The following KLHL11 variants were observed in gnomAD, a reference collection of about 807,000 sequenced individuals.
KLHL11 encodes kelch like family member 11, also known as kelch-like protein 11.
Under a neutral mutation model 56.1 loss-of-function variants are expected in KLHL11, and 26 were observed. The observed-to-expected ratio is 0.46, with a 90% CI of 0.34 to 0.64. The LOEUF (loss-of-function observed/expected upper bound fraction) is 0.64, where lower values mean the gene tolerates loss of function less well. Among genes scored for constraint, KLHL11 ranks in the 30% least tolerant of loss-of-function variants. The pLI is 0.01. For synonymous variants in KLHL11, 338 were observed against 345.8 expected (o/e 0.98, Z 0.25); for missense variants, 627 against 919.4 (o/e 0.68, Z 4.11).
At position 41,851,447 on chromosome 17, in the gene KLHL11, C is replaced by T. The variant is rs1474152929; in HGVS notation, c.*2293G>A. The T allele has an allele frequency of 2.0e-4, 30 of 151,980 alleles. No homozygotes were observed. The highest frequency in any genetic ancestry group is 6.8e-4 in the African/African-American group (28 of 41,448). 9.4% of individuals were successfully genotyped at this position (151,980 alleles called of 1,614,324 possible). A position where few individuals can be genotyped will look rare whatever the true frequency, so the allele number is the denominator to read the frequency against. ...TGAAACCCCATCTCTATTAAAAATA[C>T]AAAAATTAGCCGGGCGTGGTGGTAC... is the stretch of plus-strand genomic sequence containing the variant. On this transcript the variant is annotated 3_prime_UTR_variant, in exon 2 of 2. Transcript: ENST00000319121.
At chr17:41,861,711 A>T (rs916930825) in intron 1 of KLHL11, among the ~76,000 whole-genome samples, 45 of 134,588 alleles carry the variant, frequency 3.3e-4, no homozygotes, top group African/African-American at 1.2e-3. Flanking sequence ...AAAAAAAAAA[A>T]GAATGTCAGC....
In KLHL11 at chr17:41,858,654, G is replaced by A. The variant is rs148035003; in HGVS notation, c.546-3333C>T. Among the ~76,000 whole-genome samples, 1,412 of 151,782 alleles carry A rather than the reference G, an allele frequency of 9.3e-3. 28 individuals are homozygous for A. Among genetic ancestry groups the A allele is most frequent in the African/African-American group, 0.033 (1,348 of 41,340 alleles). The stretch of plus-strand genomic sequence containing the variant: ...TCATCATGTTGGCCAGGCTGGGCTC[G>A]AACTCTTCACCTCAGGTGATCCACC... On this transcript the variant is annotated intron_variant, in intron 1 of 1. Coordinates refer to ENST00000319121, the MANE Select transcript of KLHL11 (RefSeq NM_018143.3).
rs1299165220 is a variant in KLHL11 at position 41,852,476 on chromosome 17, G to GA, written c.*1263dup. On this transcript the variant is annotated 3_prime_UTR_variant, in exon 2 of 2. Coordinates refer to ENST00000319121, the MANE Select transcript of KLHL11 (RefSeq NM_018143.3). ...AAATTGTGACTTCCTTCCCATTTTG[G>GA]AAAAAAACAGTTTCTTGTAGAAAAG... Among the ~76,000 whole-genome samples, 2 of 151,404 alleles carry GA rather than the reference G, an allele frequency of 1.3e-5. No individual in the cohort carries two copies. The highest frequency in any genetic ancestry group is 3.9e-4 in the East Asian group (2 of 5,148).
At chr17:41,861,250 T>C (rs1377812392) in intron 1 of KLHL11, among the ~76,000 whole-genome samples, 1 of 152,238 alleles carries the variant, frequency 6.6e-6, no homozygotes, top group Non-Finnish European at 1.5e-5. Flanking sequence ...TCTTGATGCA[T>C]TCCAAGCCCC....
At position 41,853,580 on chromosome 17, in the gene KLHL11, G is replaced by T; in HGVS notation, c.*160C>A. ...ACAAAATGACCATGTATTGAACTGA[G>T]TCTCCCATTCTTTAGTTTTTAACTC... On this transcript the variant is annotated 3_prime_UTR_variant, in exon 2 of 2. Transcript: ENST00000319121. The T allele has an allele frequency of 1.3e-6, 1 of 785,674 alleles. No individual in the cohort carries two copies. Among genetic ancestry groups the T allele is most frequent in the Non-Finnish European group, 1.9e-6 (1 of 526,880 alleles). The allele number at this position is 785,674 out of a possible 1,614,324, so 48.7% of individuals were successfully genotyped here. A position where few individuals can be genotyped will look rare whatever the true frequency, so the allele number is the denominator to read the frequency against.
At chr17:41,863,345 A>G (rs4031019) in intron 1 of KLHL11, among the ~76,000 whole-genome samples, 115,100 of 151,724 alleles carry the variant, frequency 0.76, 43,923 homozygotes, top group Admixed American at 0.85. Flanking sequence ...TTACAGGCAC[A>G]CCACCACGCC....
At position 41,864,927 on chromosome 17, in the gene KLHL11, C is replaced by T; in HGVS notation, c.444G>A (p.Gly148=). The T allele has an allele frequency of 6.2e-7, 1 of 1,610,674 alleles. No homozygotes were observed. The highest frequency in any genetic ancestry group is 8.5e-7 in the Non-Finnish European group (1 of 1,178,874). The change falls in exon 1 of 2, where the codon GGG becomes GGA. Residue 148 remains glycine, a synonymous_variant. Coordinates refer to ENST00000319121, the MANE Select transcript of KLHL11 (RefSeq NM_018143.3). ...CGGCTTCCACTGTGTCGGGTTCGGG[C>T]CCCGGCTCGGAGCTCCACTTGCGCA... ...VEMRKWSSEP[G]PEPDTVEAVI... is the part of the protein sequence containing the mutation.
intron 1 of KLHL11, 86 bp from the exon 2 acceptor site, chr17:41,855,407 C>G: frequency 1.0e-6 from 1 of 972,848 alleles, no homozygotes; most frequent in Non-Finnish European, 1.5e-6. Flanking sequence ...GAGACAGGGT[C>G]TCACTCTGCC....
In KLHL11 at chr17:41,853,637, A is replaced by C; in HGVS notation, c.*103T>G. 1 of 1,346,910 alleles carries C rather than the reference A, an allele frequency of 7.4e-7. No individual in the cohort carries two copies. The highest frequency in any genetic ancestry group is 1.0e-6 in the Non-Finnish European group (1 of 992,854). The allele number at this position is 1,346,910 out of a possible 1,614,324, so 83.4% of individuals were successfully genotyped here. On this transcript the variant is annotated 3_prime_UTR_variant, in exon 2 of 2. Coordinates refer to ENST00000319121, the MANE Select transcript of KLHL11 (RefSeq NM_018143.3). ...CTTTATATGGGGTAATAATCAGTTC[A>C]TGTAGAAAATAAGTTATCGACATAC...
Position 41,855,170 on chromosome 17 carries a change from G to A in KLHL11, c.697C>T (p.His233Tyr). The A allele has an allele frequency of 6.2e-7, 1 of 1,614,132 alleles. No homozygotes were observed. Among genetic ancestry groups the A allele is most frequent in the South Asian group, 1.1e-5 (1 of 91,082 alleles). Reference sequence around the variant, plus strand: ...AATTCTTCATCCTGAATCACTTTGTGGAAATTTCTCCGTATCATATCAGCA... The same window carrying A: ...AATTCTTCATCCTGAATCACTTTGTAGAAATTTCTCCGTATCATATCAGCA... ...KAADMIRRNF[H>Y]KVIQDEEFYT... The change falls in exon 2 of 2, where the codon CAC becomes TAC. Residue 233 changes from histidine to tyrosine, a missense_variant. This residue lies in a region of KLHL11 where 150 missense variants were observed against 215.7 expected (regional missense o/e 0.70). Transcript: ENST00000319121.
In KLHL11 at chr17:41,850,551, T is replaced by A. The variant is rs1248457720; in HGVS notation, c.*3189A>T. The A allele has an allele frequency of 6.6e-6, 1 of 152,166 alleles. No homozygotes were observed. Among genetic ancestry groups the A allele is most frequent in the African/African-American group, 2.4e-5 (1 of 41,434 alleles). 9.4% of individuals were successfully genotyped at this position (152,166 alleles called of 1,614,324 possible). ...TTCCAGTTAAAAACTATTATCGTAG[T>A]GAGATACTAAATTATTTAAATACAA... On this transcript the variant is annotated 3_prime_UTR_variant, in exon 2 of 2. Transcript: ENST00000319121.
chr17:41,850,103 C>T lies in KLHL11; in HGVS notation c.*3637G>A, dbSNP rs2048324701. 6.6e-6 allele frequency: 1 copy of T among 152,146 alleles called. No homozygotes were observed. The highest frequency in any genetic ancestry group is 1.5e-5 in the Non-Finnish European group (1 of 68,012). 9.4% of individuals were successfully genotyped at this position (152,146 alleles called of 1,614,324 possible). On this transcript the variant is annotated 3_prime_UTR_variant, in exon 2 of 2. Transcript: ENST00000319121. ...TTAGGCCTGATCCTTGTACTTAGAA[C>T]CTTTCCAAATACTCTGGGAAGTTAT...
rs1224588954 is a variant in KLHL11 at position 41,848,976 on chromosome 17, A to C, written c.*4764T>G. On this transcript the variant is annotated 3_prime_UTR_variant, in exon 2 of 2. Coordinates refer to ENST00000319121, the MANE Select transcript of KLHL11 (RefSeq NM_018143.3). The stretch of plus-strand genomic sequence containing the variant: ...CGCAGTGATTTTGCTATCTAATTAA[A>C]TTACTTGAAGCAAAATGACTACTAG... The C allele has an allele frequency of 2.0e-5, 3 of 152,306 alleles. No homozygotes were observed. The highest frequency in any genetic ancestry group is 1.3e-4 in the Admixed American group (2 of 15,286). 9.4% of individuals were successfully genotyped at this position (152,306 alleles called of 1,614,324 possible).
chr17:41,855,418 AC>A, intron 1 of KLHL11, 97 bp from the exon 2 acceptor site: 1 of 896,958 alleles, frequency 1.1e-6, no homozygotes, highest in Non-Finnish European at 1.6e-6. Context: ...TCACTCTGCC[AC>A]CCAGGTTGGA....
In KLHL11 at chr17:41,849,268, T is replaced by C. The variant is rs2048318626; in HGVS notation, c.*4472A>G. On this transcript the variant is annotated 3_prime_UTR_variant, in exon 2 of 2. Transcript: ENST00000319121. ...GACATGAAATGTGGCCCGTATACTA[T>C]ATTTAAACTTAATTTGAGAAAAGTA... is the stretch of plus-strand genomic sequence containing the variant. 1 of 152,214 alleles carries C rather than the reference T, an allele frequency of 6.6e-6. No individual in the cohort carries two copies. The highest frequency in any genetic ancestry group is 2.4e-5 in the African/African-American group (1 of 41,458). The allele number at this position is 152,214 out of a possible 1,614,324, so 9.4% of individuals were successfully genotyped here.
Position 41,850,976 on chromosome 17 carries a change from G to C in KLHL11, c.*2764C>G, listed in dbSNP as rs1351382078. 2.0e-5 allele frequency: 3 copies of C among 152,002 alleles called. No individual in the cohort carries two copies. The highest frequency in any genetic ancestry group is 7.3e-5 in the African/African-American group (3 of 41,354). The allele number at this position is 152,002 out of a possible 1,614,324, so 9.4% of individuals were successfully genotyped here. A position where few individuals can be genotyped will look rare whatever the true frequency, so the allele number is the denominator to read the frequency against. On this transcript the variant is annotated 3_prime_UTR_variant, in exon 2 of 2. Transcript: ENST00000319121. ...CTTGCAGCAAATAGCCAAAATTTCT[G>C]GTTGTGCTTTTCTCTTTTGGTATTT...
At position 41,865,375 on chromosome 17, in the gene KLHL11, A is replaced by G. The variant is rs1329751019; in HGVS notation, c.-5T>C. 1.4e-6 allele frequency: 2 copies of G among 1,403,476 alleles called. No homozygotes were observed. The highest frequency in any genetic ancestry group is 1.5e-5 in the African/African-American group (1 of 65,526). 86.9% of individuals were successfully genotyped at this position (1,403,476 alleles called of 1,614,324 possible). A position where few individuals can be genotyped will look rare whatever the true frequency, so the allele number is the denominator to read the frequency against. Reference sequence around the variant, plus strand: ...CGCCACTGCCGCAGCCGCCATCTTGACGCCGCTGCGCCCGGCCTCCACAGC... The same window carrying G: ...CGCCACTGCCGCAGCCGCCATCTTGGCGCCGCTGCGCCCGGCCTCCACAGC... On this transcript the variant is annotated 5_prime_UTR_variant, in exon 1 of 2. Transcript: ENST00000319121.
chr17:41,858,449 C>CCT (rs71155177), intron 1 of KLHL11, among the ~76,000 whole-genome samples: 112,647 of 148,396 alleles, frequency 0.76, 43,056 homozygotes, highest in Admixed American at 0.85. Flanking sequence ...TTTTTCTCCC[C>CCT]GAGATGGAGT....
rs781808632 is a variant in KLHL11 at position 41,849,100 on chromosome 17, A to G, written c.*4640T>C. The G allele has an allele frequency of 1.3e-5, 2 of 152,216 alleles. No homozygotes were observed. Among genetic ancestry groups the G allele is most frequent in the African/African-American group, 4.8e-5 (2 of 41,460 alleles). 9.4% of individuals were successfully genotyped at this position (152,216 alleles called of 1,614,324 possible). A position where few individuals can be genotyped will look rare whatever the true frequency, so the allele number is the denominator to read the frequency against. On this transcript the variant is annotated 3_prime_UTR_variant, in exon 2 of 2. Coordinates refer to ENST00000319121, the MANE Select transcript of KLHL11 (RefSeq NM_018143.3). ...CAATAACAAAAACAAAAAATGGACT[A>G]TTCTCAAGAAAGTAACAAACTGGAG...
Sources: gnomAD v4.1 joint callset for allele counts (sites outside exome capture counted in the v4.1 genomes callset) on GRCh38, gnomAD v4.1.1 for gene constraint, gnomAD v4.1.1 regional missense constraint, MANE v1.5 for transcripts, NCBI Gene and HGNC (gene_info 2026-07-23, HGNC 2026-07-21) for gene names.